The following NRXN3 variants were observed in gnomAD, a reference collection of about 807,000 sequenced individuals.
NRXN3 encodes neurexin III.
In NRXN3, 32 loss-of-function variants were observed where a neutral mutation model predicts 137.6. The ratio of observed to expected loss-of-function variants is 0.23; its 90% CI spans 0.18 to 0.31. NRXN3 has a LOEUF of 0.31. NRXN3 is among the 10% of genes least tolerant of loss of function. NRXN3 has a pLI of 1.00. For synonymous variants in NRXN3, 798 were observed against 784.5 expected (o/e 1.02, Z -0.29); for missense variants, 1,574 against 2,062.5 (o/e 0.76, Z 4.59).
chr14:78,346,412 G>A (rs1204566430), intron 4 of NRXN3, among the ~76,000 whole-genome samples: 1 of 152,120 alleles, frequency 6.6e-6, no homozygotes. Context: ...TATTTCCACT[G>A]GGGAAAAATT....
At chr14:78,556,505 T>A (rs1451074377) in intron 4 of NRXN3, among the ~76,000 whole-genome samples, 1 of 152,212 alleles carries the variant, frequency 6.6e-6, no homozygotes, top group Admixed American at 6.5e-5. Flanking sequence ...TGATGGTATG[T>A]CATATGTAAT....
chr14:79,033,656 GA>G (rs1321069804), intron 15 of NRXN3, among the ~76,000 whole-genome samples: 1 of 152,052 alleles, frequency 6.6e-6, no homozygotes, highest in Non-Finnish European at 1.5e-5. Flanking sequence ...TTCAGATTAT[GA>G]AACCTGTCGT....
intron 15 of NRXN3, among the ~76,000 whole-genome samples, chr14:79,339,854 G>T (rs2092496356): frequency 6.6e-6 from 1 of 152,144 alleles, no homozygotes; most frequent in Non-Finnish European, 1.5e-5. Context: ...TACTTGAAAA[G>T]TTGTGAAGAT....
At chr14:78,266,127 CT>C (rs879418785) in intron 2 of NRXN3, among the ~76,000 whole-genome samples, 13 of 152,268 alleles carry the variant, frequency 8.5e-5, no homozygotes, top group Non-Finnish European at 1.6e-4. Flanking sequence ...GAAACACCTC[CT>C]TTTTTTGTTT....
intron 6 of NRXN3, among the ~76,000 whole-genome samples, chr14:78,699,265 T>C (rs1559538): frequency 0.96 from 145,202 of 151,900 alleles, 69,733 homozygotes; most frequent in Middle Eastern, 1. Context: ...TAAACTGTGC[T>C]TCAAGTGGCG....
chr14:78,538,094 CT>C (rs1477736813), intron 4 of NRXN3, among the ~76,000 whole-genome samples: 1 of 152,144 alleles, frequency 6.6e-6, no homozygotes, highest in East Asian at 1.9e-4. Flanking sequence ...GCAATGCGGG[CT>C]CTTTTTTGGT....
At chr14:78,942,015 G>C (rs2099353996) in intron 10 of NRXN3, among the ~76,000 whole-genome samples, 1 of 152,216 alleles carries the variant, frequency 6.6e-6, no homozygotes, top group South Asian at 2.1e-4. Context: ...CTGTGAGATT[G>C]TGTGCTAGCC....
chr14:78,681,250 C>T (rs2098072701), intron 6 of NRXN3, among the ~76,000 whole-genome samples: 1 of 152,170 alleles, frequency 6.6e-6, no homozygotes, highest in Non-Finnish European at 1.5e-5. Context: ...GTTCTTAATG[C>T]AAATGTAGCA....
intron 16 of NRXN3, among the ~76,000 whole-genome samples, chr14:79,516,840 CT>C (rs956429579): frequency 1.5e-4 from 22 of 151,266 alleles, no homozygotes; most frequent in Admixed American, 2.6e-4. Context: ...AAGAGAAATT[CT>C]TTTTTTTTAC....
At chr14:79,270,821 T>C (rs2079184686) in intron 15 of NRXN3, among the ~76,000 whole-genome samples, 1 of 152,196 alleles carries the variant, frequency 6.6e-6, no homozygotes, top group African/African-American at 2.4e-5. Context: ...CTTCTACCTA[T>C]GACATAAACT....
intron 15 of NRXN3, chr14:79,201,121 C>G (rs978423796): frequency 6.6e-6 from 1 of 152,042 alleles, no homozygotes; most frequent in Admixed American, 6.6e-5. Flanking sequence ...GCGAGCAGTA[C>G]TGATGTCAAG....
rs1170934465 is a variant in NRXN3 at position 79,842,862 on chromosome 14, G to C, written c.4094-18480G>C. On this transcript the variant is annotated intron_variant, in intron 20 of 20. Coordinates refer to ENST00000335750, the MANE Select transcript of NRXN3 (RefSeq NM_001330195.2). ...TGTTCATCCTAAACACCTGTTACTT[G>C]GTATTCTCTCACCTACATGTCATTT... Among the ~76,000 whole-genome samples the C allele has an allele frequency of 2.0e-5, 3 of 151,922 alleles. No homozygotes were observed. The East Asian group carries it at 5.8e-4, about 29-fold the overall frequency.
chr14:79,719,994 T>A (rs1356340095), intron 19 of NRXN3, among the ~76,000 whole-genome samples: 2 of 152,040 alleles, frequency 1.3e-5, no homozygotes, highest in Non-Finnish European at 2.9e-5. Context: ...AAAGTAATAA[T>A]CCCTCAAGAC....
At chr14:78,614,351 A>T (rs2097327654) in intron 4 of NRXN3, among the ~76,000 whole-genome samples, 1 of 152,240 alleles carries the variant, frequency 6.6e-6, no homozygotes, top group Non-Finnish European at 1.5e-5. Context: ...GCTGTTTACT[A>T]AAAAGATCTT....
chr14:79,684,743 G>C (rs2098688017), intron 17 of NRXN3, among the ~76,000 whole-genome samples: 2 of 152,082 alleles, frequency 1.3e-5, no homozygotes, highest in African/African-American at 4.8e-5. Flanking sequence ...TGGCATTCTG[G>C]CTTCAAAAAC....
chr14:78,729,719 T>C (rs1248083489), intron 8 of NRXN3, among the ~76,000 whole-genome samples: 6 of 152,122 alleles, frequency 3.9e-5, no homozygotes, highest in Non-Finnish European at 8.8e-5. Context: ...TGCACACACA[T>C]GCACATGAAT....
chr14:79,753,801 T>C (rs2099007877), intron 19 of NRXN3, among the ~76,000 whole-genome samples: 1 of 152,060 alleles, frequency 6.6e-6, no homozygotes. Context: ...CCTAACACGA[T>C]GTGAGATTTT....
chr14:78,623,633 C>A (rs1460832019), intron 4 of NRXN3, among the ~76,000 whole-genome samples: 42 of 152,126 alleles, frequency 2.8e-4, no homozygotes, highest in Non-Finnish European at 1.2e-4. Context: ...GTGGCGTGAT[C>A]TCGGCTTACT....
intron 4 of NRXN3, among the ~76,000 whole-genome samples, chr14:78,528,745 G>T (rs190479464): frequency 8.0e-4 from 122 of 152,234 alleles, no homozygotes; most frequent in Non-Finnish European, 1.4e-3. Flanking sequence ...AGGCAGAGTC[G>T]TGCAAGTACA....
Sources: allele counts gnomAD v4.1 joint callset (sites outside exome capture counted in the v4.1 genomes callset), GRCh38; gene constraint gnomAD v4.1.1; transcripts MANE v1.5; gene names NCBI Gene and HGNC (gene_info 2026-07-23, HGNC 2026-07-21).